Variants in TSPAN9 observed in about 807,000 individuals in gnomAD.
TSPAN9 encodes the protein tetraspanin-9.
In TSPAN9, 16 loss-of-function variants were observed where a neutral mutation model predicts 31.0. That is an observed-to-expected ratio of 0.52 (90% CI 0.35 to 0.78). The LOEUF (loss-of-function observed/expected upper bound fraction) is 0.78, where lower values mean the gene tolerates loss of function less well. Among genes scored for constraint, TSPAN9 ranks in the 30% least tolerant of loss-of-function variants. The pLI, the probability that TSPAN9 is intolerant of heterozygous loss-of-function variation, is 0.01. For synonymous variants in TSPAN9, 145 were observed against 121.6 expected, an observed-to-expected ratio of 1.19 and a Z score of -1.27; for missense variants, 272 against 312.5, an observed-to-expected ratio of 0.87 and a Z score of 0.98.
chr12:3,119,666 C>T (rs1188082885), intron 2 of TSPAN9, among the ~76,000 whole-genome samples: 1 of 152,222 alleles, frequency 6.6e-6, no homozygotes, highest in Non-Finnish European at 1.5e-5. Flanking sequence ...CTGACCACAT[C>T]CTGTGCACCC....
intron 2 of TSPAN9, among the ~76,000 whole-genome samples, chr12:3,128,354 T>C (rs2098328261): frequency 6.6e-6 from 1 of 152,186 alleles, no homozygotes; most frequent in Non-Finnish European, 1.5e-5. Context: ...CTGACTTTCT[T>C]GGATATTCAA....
At chr12:3,085,121 G>A (rs1294586735) in intron 2 of TSPAN9, among the ~76,000 whole-genome samples, 1 of 152,088 alleles carries the variant, frequency 6.6e-6, no homozygotes, top group Non-Finnish European at 1.5e-5. Context: ...AGTGGCTCAC[G>A]CCTGGAATCC....
chr12:3,283,222 C>T lies in TSPAN9; in HGVS notation c.*106C>T, dbSNP rs1183829655. ...TCTCCAGATATGACCCCTGCACCCA[C>T]CCCCCACAGCCTGCCCTACCCCACC... On this transcript the variant is annotated 3_prime_UTR_variant, in exon 9 of 9. Transcript: ENST00000011898. 81 of 1,153,398 alleles carry T rather than the reference C, an allele frequency of 7.0e-5. No individual in the cohort carries two copies. The highest frequency in any genetic ancestry group is 9.1e-5 in the Non-Finnish European group (74 of 817,200). 71.4% of individuals were successfully genotyped at this position (1,153,398 alleles called of 1,614,324 possible). A position where few individuals can be genotyped will look rare whatever the true frequency, so the allele number is the denominator to read the frequency against.
At chr12:3,129,056 T>G (rs1170963051) in intron 2 of TSPAN9, among the ~76,000 whole-genome samples, 1 of 152,200 alleles carries the variant, frequency 6.6e-6, no homozygotes, top group Non-Finnish European at 1.5e-5. Context: ...CACTTAGCAT[T>G]GTACCCTCAA....
At position 3,247,068 on chromosome 12, in the gene TSPAN9, C is replaced by G. The variant is rs645722; in HGVS notation, c.64-31353C>G. ...TTTTCAGGGCAGAGAAGAGGAGCAA[C>G]GTACTGTGCACACATGGAAGGCACC... On this transcript the variant is annotated intron_variant, in intron 3 of 8. Coordinates refer to ENST00000011898, the MANE Select transcript of TSPAN9 (RefSeq NM_006675.5). Among the ~76,000 whole-genome samples the G allele has an allele frequency of 2.0e-5, 3 of 152,106 alleles. No individual in the cohort carries two copies. The East Asian group carries it at 5.8e-4, about 30-fold the overall frequency.
At chr12:3,258,626 A>T (rs966841304) in intron 3 of TSPAN9, among the ~76,000 whole-genome samples, 2 of 147,404 alleles carry the variant, frequency 1.4e-5, no homozygotes, top group Non-Finnish European at 3.0e-5. Context: ...TCCTCCTCCC[A>T]CCAAGGCTGC....
chr12:3,271,526 G>A (rs73256345), intron 3 of TSPAN9, among the ~76,000 whole-genome samples: 2,196 of 146,720 alleles, frequency 0.015, 60 homozygotes, highest in African/African-American at 0.053. Context: ...AGAATTCCTG[G>A]CTGATTAGAG....
chr12:3,130,124 G>A (rs542109351), intron 2 of TSPAN9, among the ~76,000 whole-genome samples: 4 of 152,286 alleles, frequency 2.6e-5, no homozygotes, highest in African/African-American at 7.2e-5. Context: ...CCAGAGGGTC[G>A]CTTCCCTTCT....
chr12:3,085,820 G>A (rs2098300182), intron 2 of TSPAN9, among the ~76,000 whole-genome samples: 2 of 152,160 alleles, frequency 1.3e-5, no homozygotes, highest in African/African-American at 4.8e-5. Flanking sequence ...GTGCCTTCCC[G>A]GCCTCTGACC....
intron 2 of TSPAN9, among the ~76,000 whole-genome samples, chr12:3,174,635 G>T (rs180888504): frequency 0.021 from 3,214 of 151,872 alleles, 108 homozygotes; most frequent in African/African-American, 0.072. Context: ...CAGGCTGGAG[G>T]GCAGTGGCGC....
chr12:3,282,900 T>A, intron 8 of TSPAN9, 145 bp from the exon 9 acceptor site: 1 of 722,942 alleles, frequency 1.4e-6, no homozygotes, highest in East Asian at 2.7e-5. Flanking sequence ...TTTCTTCATG[T>A]CTTCATTCCA....
chr12:3,154,129 A>T (rs1048216459), intron 2 of TSPAN9, among the ~76,000 whole-genome samples: 2 of 152,126 alleles, frequency 1.3e-5, no homozygotes, highest in African/African-American at 4.8e-5. Context: ...GAAGCCAAGC[A>T]TTCTTTCCTA....
intron 1 of TSPAN9, among the ~76,000 whole-genome samples, chr12:3,083,126 T>G (rs1489249462): frequency 2.0e-5 from 3 of 152,248 alleles, no homozygotes; most frequent in Admixed American, 2.0e-4. Flanking sequence ...GATGGCCATT[T>G]TCCACCAAGT....
At chr12:3,116,058 T>G (rs550137698) in intron 2 of TSPAN9, among the ~76,000 whole-genome samples, 69 of 152,348 alleles carry the variant, frequency 4.5e-4, no homozygotes, top group African/African-American at 1.6e-3. Flanking sequence ...CTGAACTTGA[T>G]CATTTAGATA....
chr12:3,194,787 A>C (rs1187559053), intron 2 of TSPAN9, among the ~76,000 whole-genome samples: 1 of 152,108 alleles, frequency 6.6e-6, no homozygotes, highest in Non-Finnish European at 1.5e-5. Context: ...TTCACCATCG[A>C]TGTTACCGTC....
At chr12:3,223,369 T>C (rs1239412608) in intron 3 of TSPAN9, among the ~76,000 whole-genome samples, 2 of 152,154 alleles carry the variant, frequency 1.3e-5, no homozygotes, top group African/African-American at 2.4e-5. Flanking sequence ...ACGAATGGAT[T>C]TGACGGGAAT....
At chr12:3,247,765 G>C (rs1350669294) in intron 3 of TSPAN9, among the ~76,000 whole-genome samples, 3 of 152,150 alleles carry the variant, frequency 2.0e-5, no homozygotes, top group Non-Finnish European at 4.4e-5. Context: ...ATGCCAGTTC[G>C]CTGCACAGGC....
rs1253466680 is a variant in TSPAN9 at position 3,214,706 on chromosome 12, C to G, written c.63+13450C>G. The stretch of plus-strand genomic sequence containing the variant: ...GGGGAGGGCCTTCACGCCCTCTAAG[C>G]AGGTAATGAGGGGGCGGGCTGCCGT... On this transcript the variant is annotated intron_variant, in intron 3 of 8. Coordinates refer to ENST00000011898, the MANE Select transcript of TSPAN9 (RefSeq NM_006675.5). 2.0e-5 allele frequency among the ~76,000 whole-genome samples: 3 copies of G among 152,202 alleles called. No homozygotes were observed. The East Asian group carries it at 5.8e-4, about 29-fold the overall frequency.
chr12:3,116,228 C>T (rs2098322321), intron 2 of TSPAN9, among the ~76,000 whole-genome samples: 1 of 152,210 alleles, frequency 6.6e-6, no homozygotes, highest in Non-Finnish European at 1.5e-5. Context: ...CTATAAGCTG[C>T]ATAGCAGATC....
Sources: allele counts gnomAD v4.1 joint callset (sites outside exome capture counted in the v4.1 genomes callset), GRCh38; gene constraint gnomAD v4.1.1; transcripts MANE v1.5; gene names NCBI Gene and HGNC (gene_info 2026-07-23, HGNC 2026-07-21).